Variants in NELL2 observed in about 807,000 individuals in gnomAD.
NELL2 encodes protein kinase C-binding protein NELL2.
In NELL2, 41 loss-of-function variants were observed where a neutral mutation model predicts 109.6. The ratio of observed to expected loss-of-function variants is 0.37; its 90% confidence interval spans 0.29 to 0.49. The LOEUF is 0.49. Ranked by LOEUF, NELL2 falls within the 20% of genes least tolerant of loss-of-function variation. The pLI, the probability that NELL2 is intolerant of heterozygous loss-of-function variation, is 0.98. For synonymous variants in NELL2, 355 were observed against 344.7 expected, an observed-to-expected ratio of 1.03 and a Z score of -0.33; for missense variants, 900 against 1,008.3, an observed-to-expected ratio of 0.89 and a Z score of 1.45.
At chr12:44,854,981 G>T (rs1944641800) in intron 2 of NELL2, among the ~76,000 whole-genome samples, 1 of 151,968 alleles carries the variant, frequency 6.6e-6, no homozygotes, top group African/African-American at 2.4e-5. Flanking sequence ...CCTTAAAAAA[G>T]TAAAAACAAG....
upstream of NELL2, among the ~76,000 whole-genome samples, chr12:44,916,604 T>C (rs1002336266): frequency 6.6e-5 from 10 of 152,158 alleles, no homozygotes; most frequent in Admixed American, 2.0e-4. Context: ...GCACTCCTCA[T>C]TGCATCCATC....
intron 13 of NELL2, among the ~76,000 whole-genome samples, chr12:44,661,742 A>G (rs1947750567): frequency 6.6e-6 from 1 of 152,216 alleles, no homozygotes; most frequent in Non-Finnish European, 1.5e-5. Context: ...TTTGTTATGC[A>G]TAAACAAAAT....
At chr12:44,901,692 G>C (rs1200048612) in intron 1 of NELL2, among the ~76,000 whole-genome samples, 3 of 152,078 alleles carry the variant, frequency 2.0e-5, no homozygotes, top group African/African-American at 4.8e-5. Flanking sequence ...ACATCAAAAG[G>C]CTTATCCAGC....
intron 14 of NELL2, 121 bp from the exon 15 acceptor site, chr12:44,607,385 T>A: frequency 1.4e-6 from 1 of 702,814 alleles, no homozygotes; most frequent in Non-Finnish European, 2.2e-6. Flanking sequence ...GCTATTTTAA[T>A]TTTGTTTTCA....
At chr12:44,869,421 T>C (rs1945100560) in intron 2 of NELL2, among the ~76,000 whole-genome samples, 1 of 152,174 alleles carries the variant, frequency 6.6e-6, no homozygotes, top group East Asian at 1.9e-4. Flanking sequence ...CATAGAAAGA[T>C]GTTGACAGCC....
intron 13 of NELL2, among the ~76,000 whole-genome samples, chr12:44,648,770 C>G (rs1304117084): frequency 8.1e-6 from 1 of 122,752 alleles, no homozygotes; most frequent in Non-Finnish European, 1.6e-5. Context: ...GAGTCTTGCT[C>G]TGTTGCCCAG....
At chr12:44,862,464 T>C (rs538254909) in intron 2 of NELL2, among the ~76,000 whole-genome samples, 1 of 152,350 alleles carries the variant, frequency 6.6e-6, no homozygotes, top group African/African-American at 2.4e-5. Context: ...ATTAATCTGA[T>C]GAATCTGATT....
intron 15 of NELL2, among the ~76,000 whole-genome samples, chr12:44,601,834 G>A (rs1264123572): frequency 6.6e-6 from 1 of 151,962 alleles, no homozygotes; most frequent in African/African-American, 2.4e-5. Flanking sequence ...TGAAAAAAAG[G>A]AAATAACATG....
At chr12:44,625,006 A>G (rs1946196899) in intron 13 of NELL2, among the ~76,000 whole-genome samples, 1 of 120,332 alleles carries the variant, frequency 8.3e-6, no homozygotes, top group African/African-American at 5.1e-5. Flanking sequence ...GTATATATAT[A>G]TATATATATA....
intron 12 of NELL2, among the ~76,000 whole-genome samples, chr12:44,672,370 G>T (rs1402828869): frequency 6.6e-6 from 1 of 152,124 alleles, no homozygotes; most frequent in Non-Finnish European, 1.5e-5. Flanking sequence ...TCATGTGAGG[G>T]ATCTAGGTTG....
intron 9 of NELL2, among the ~76,000 whole-genome samples, chr12:44,759,000 T>G (rs1033714286): frequency 6.6e-6 from 1 of 152,176 alleles, no homozygotes; most frequent in Non-Finnish European, 1.5e-5. Context: ...TTCACCAAGT[T>G]CTTGATATTA....
intron 1 of NELL2, among the ~76,000 whole-genome samples, chr12:44,919,562 G>C (rs1945854022): frequency 6.6e-6 from 1 of 152,118 alleles, no homozygotes; most frequent in South Asian, 2.1e-4. Flanking sequence ...CTTATAAAAA[G>C]GGGAAATTTA....
intron 9 of NELL2, among the ~76,000 whole-genome samples, chr12:44,761,671 T>C (rs1271949123): frequency 6.6e-6 from 1 of 152,196 alleles, no homozygotes; most frequent in African/African-American, 2.4e-5. Context: ...GTGTGGCATA[T>C]ATACATCATG....
At chr12:44,587,734 A>C (rs1471273707) in intron 15 of NELL2, among the ~76,000 whole-genome samples, 1 of 152,170 alleles carries the variant, frequency 6.6e-6, no homozygotes, top group Non-Finnish European at 1.5e-5. Flanking sequence ...AAGAAATCTC[A>C]GGGAAAAAAG....
chr12:44,846,092 T>C (rs1458132344), intron 2 of NELL2, among the ~76,000 whole-genome samples: 3 of 152,198 alleles, frequency 2.0e-5, no homozygotes, highest in East Asian at 1.9e-4. Context: ...GGACTAATGA[T>C]TGGAGTACAT....
chr12:44,781,797 A>T (rs1372841740), intron 3 of NELL2, among the ~76,000 whole-genome samples: 1 of 152,048 alleles, frequency 6.6e-6, no homozygotes, highest in Non-Finnish European at 1.5e-5. Flanking sequence ...TTGTATACCC[A>T]GCAAAAACAT....
At chr12:44,752,908 T>C (rs992177119) in intron 9 of NELL2, among the ~76,000 whole-genome samples, 4 of 152,222 alleles carry the variant, frequency 2.6e-5, no homozygotes, top group Admixed American at 2.0e-4. Flanking sequence ...TCCTAAACCA[T>C]TGCAAACAGG....
chr12:44,722,841 G>A (rs1322275170), intron 9 of NELL2, among the ~76,000 whole-genome samples: 5 of 152,142 alleles, frequency 3.3e-5, no homozygotes, highest in African/African-American at 1.2e-4. Flanking sequence ...CAAACCAGTA[G>A]GCTGATGGAT....
chr12:44,651,390 C>T (rs1301957748), intron 13 of NELL2, among the ~76,000 whole-genome samples: 1 of 152,128 alleles, frequency 6.6e-6, no homozygotes, highest in African/African-American at 2.4e-5. Flanking sequence ...AAATCTTGTG[C>T]GTCTGTTGAT....
Sources: allele counts gnomAD v4.1 joint callset (sites outside exome capture counted in the v4.1 genomes callset), GRCh38; gene constraint gnomAD v4.1.1; transcripts MANE v1.5; gene names NCBI Gene and HGNC (gene_info 2026-07-23, HGNC 2026-07-21).